L3MBTL4: variants seen among roughly 807,000 people sequenced by gnomAD.
The protein encoded by L3MBTL4 is L3MBTL histone methyl-lysine binding protein 4.
L3MBTL4 carries 70 observed loss-of-function variants against 84.5 expected under a neutral mutation model. The ratio of observed to expected loss-of-function variants is 0.83; its 90% CI spans 0.68 to 1.01. L3MBTL4 has a LOEUF of 1.01. Among genes scored for constraint, L3MBTL4 ranks in the 50% least tolerant of loss-of-function variants. L3MBTL4 has a pLI of 0.00. For synonymous variants in L3MBTL4, 274 were observed against 259.8 expected, an observed-to-expected ratio of 1.05 and a Z score of -0.52; for missense variants, 715 against 754.8, an observed-to-expected ratio of 0.95 and a Z score of 0.62.
intron 1 of L3MBTL4, among the ~76,000 whole-genome samples, chr18:6,412,497 G>A (rs886601187): frequency 6.6e-6 from 1 of 152,084 alleles, no homozygotes; most frequent in African/African-American, 2.4e-5. Flanking sequence ...CTGCTTCCTT[G>A]GTCAGACTGG....
chr18:6,023,807 T>C (rs951733957), intron 16 of L3MBTL4, among the ~76,000 whole-genome samples: 16 of 152,210 alleles, frequency 1.1e-4, no homozygotes, highest in African/African-American at 3.9e-4. Context: ...CCAAGTGGGA[T>C]CTGAAGTTTA....
At chr18:6,104,224 A>T in intron 14 of L3MBTL4, among the ~76,000 whole-genome samples, 1 of 152,222 alleles carries the variant, frequency 6.6e-6, no homozygotes, top group East Asian at 1.9e-4. Context: ...CCACTTCTGG[A>T]TATTTATCCA....
At chr18:5,971,253 G>A (rs571999) in intron 16 of L3MBTL4, among the ~76,000 whole-genome samples, 103,035 of 152,122 alleles carry the variant, frequency 0.68, 35,825 homozygotes, top group African/African-American at 0.84. Flanking sequence ...CTTGAAACCC[G>A]GAGTGGGAAA....
chr18:6,005,908 C>T (rs1282892202), intron 16 of L3MBTL4, among the ~76,000 whole-genome samples: 3 of 152,006 alleles, frequency 2.0e-5, no homozygotes, highest in Non-Finnish European at 2.9e-5. Flanking sequence ...TTTCAGAAAT[C>T]GCCACACTGC....
intron 4 of L3MBTL4, among the ~76,000 whole-genome samples, chr18:6,274,167 A>G (rs2048986965): frequency 6.6e-6 from 1 of 152,242 alleles, no homozygotes; most frequent in African/African-American, 2.4e-5. Context: ...AGGTTCTCAA[A>G]GTGTGATACC....
intron 15 of L3MBTL4, 92 bp from the exon 16 acceptor site, chr18:6,081,043 G>A: frequency 2.2e-6 from 2 of 889,384 alleles, no homozygotes; most frequent in East Asian, 5.5e-5. Context: ...AGAAACTGCA[G>A]GGTAAACAAT....
At chr18:6,385,976 T>G (rs1165327350) in intron 1 of L3MBTL4, among the ~76,000 whole-genome samples, 1 of 152,188 alleles carries the variant, frequency 6.6e-6, no homozygotes, top group African/African-American at 2.4e-5. Flanking sequence ...CACAAGGATG[T>G]GACACTCAAA....
chr18:6,301,789 A>C lies in L3MBTL4; in HGVS notation c.127+114T>G. ...ATGCAATACCCTGAATAAATGGTAG[A>C]TATTATTATCACATATTTTAATTAA... is the stretch of plus-strand genomic sequence containing the variant. On this transcript the variant is annotated intron_variant, in intron 4 of 18. Coordinates refer to ENST00000317931, the MANE Select transcript of L3MBTL4 (RefSeq NM_001330559.2). 3.7e-6 allele frequency: 3 copies of C among 812,748 alleles called. No homozygotes were observed. The South Asian group carries it at 4.2e-5, about 11-fold the overall frequency. 50.3% of individuals were successfully genotyped at this position (812,748 alleles called of 1,614,324 possible). A position where few individuals can be genotyped will look rare whatever the true frequency, so the allele number is the denominator to read the frequency against.
intron 17 of L3MBTL4, among the ~76,000 whole-genome samples, chr18:5,963,255 G>T (rs1380905489): frequency 2.0e-5 from 3 of 152,214 alleles, no homozygotes; most frequent in Non-Finnish European, 2.9e-5. Flanking sequence ...CAGAAGTGTT[G>T]CAAGTTGCTT....
intron 1 of L3MBTL4, chr18:6,374,274 TAAC>T (rs1262369650): frequency 3.9e-5 from 6 of 152,890 alleles, no homozygotes; most frequent in Non-Finnish European, 1.5e-5. Flanking sequence ...AAAATGCCAA[TAAC>T]AACAGCACCA....
rs7242030 is a variant in L3MBTL4, at chr18:6,316,119, G to A, written c.-90-4063C>T. 5.1e-3 allele frequency among the ~76,000 whole-genome samples: 675 copies of A among 132,918 alleles called. 41 individuals are homozygous for A. Among genetic ancestry groups the A allele is most frequent in the African/African-American group, 0.021 (628 of 29,722 alleles). The allele number at this position is 132,918 out of a possible 152,430, so 87.2% of individuals were successfully genotyped here. On this transcript the variant is annotated intron_variant, in intron 1 of 18. Transcript: ENST00000317931. The stretch of plus-strand genomic sequence containing the variant: ...CTGGGAGACATAAGGAAACAGTTAC[G>A]TCACTCTCACGGAGTCCATGCCACT...
chr18:6,028,202 G>A (rs1301082084), intron 16 of L3MBTL4, among the ~76,000 whole-genome samples: 1 of 152,166 alleles, frequency 6.6e-6, no homozygotes, highest in Non-Finnish European at 1.5e-5. Context: ...AATCCATCTT[G>A]AGTTAATTTT....
At chr18:6,334,175 G>T (rs1284393445) in intron 1 of L3MBTL4, among the ~76,000 whole-genome samples, 1 of 152,160 alleles carries the variant, frequency 6.6e-6, no homozygotes, top group Non-Finnish European at 1.5e-5. Flanking sequence ...ACCTTTTGAT[G>T]CTCAGGTCAA....
intron 13 of L3MBTL4, among the ~76,000 whole-genome samples, chr18:6,163,157 G>A (rs1372144621): frequency 6.7e-6 from 1 of 149,864 alleles, no homozygotes; most frequent in Non-Finnish European, 1.5e-5. Context: ...GCAACCATTT[G>A]TTTCTACTTC....
At chr18:6,044,042 G>A (rs1248088336) in intron 16 of L3MBTL4, among the ~76,000 whole-genome samples, 1 of 152,172 alleles carries the variant, frequency 6.6e-6, no homozygotes, top group African/African-American at 2.4e-5. Flanking sequence ...AAAGACTTGA[G>A]TAAAAGGATC....
intron 1 of L3MBTL4, among the ~76,000 whole-genome samples, chr18:6,394,339 A>T (rs1396248886): frequency 6.6e-6 from 1 of 152,048 alleles, no homozygotes; most frequent in East Asian, 1.9e-4. Context: ...ATGGTGATGC[A>T]CACCTGTAAT....
At chr18:6,264,168 A>G in intron 4 of L3MBTL4, 130 bp from the exon 5 acceptor site, 1 of 655,212 alleles carries the variant, frequency 1.5e-6, no homozygotes, top group South Asian at 1.8e-5. Flanking sequence ...AGCAACTAAG[A>G]AGAGTCTTCT....
At chr18:6,109,343 T>C (rs2144051106) in intron 14 of L3MBTL4, among the ~76,000 whole-genome samples, 1 of 152,280 alleles carries the variant, frequency 6.6e-6, no homozygotes, top group Middle Eastern at 3.4e-3. Context: ...TGTGTGTGCA[T>C]GTATGTAGAC....
chr18:6,278,025 T>C (rs914682442), intron 4 of L3MBTL4, among the ~76,000 whole-genome samples: 3 of 152,034 alleles, frequency 2.0e-5, no homozygotes, highest in Non-Finnish European at 4.4e-5. Flanking sequence ...AATACATATC[T>C]ATGTATATAT....
Sources: gnomAD v4.1 joint callset for allele counts (sites outside exome capture counted in the v4.1 genomes callset) on GRCh38, gnomAD v4.1.1 for gene constraint, MANE v1.5 for transcripts, NCBI Gene and HGNC (gene_info 2026-07-23, HGNC 2026-07-21) for gene names.